CRADD: variants seen among roughly 807,000 people sequenced by gnomAD.
The protein encoded by CRADD is death domain-containing protein CRADD.
In CRADD, 9 loss-of-function variants were observed where a neutral mutation model predicts 15.5. That is an observed-to-expected ratio of 0.58 (90% confidence interval 0.35 to 1.01). The LOEUF is 1.01. Ranked by LOEUF, CRADD falls within the 50% of genes least tolerant of loss-of-function variation. The pLI is 0.02. For missense variants in CRADD, 227 were observed against 250.3 expected (o/e 0.91, Z 0.63); for synonymous variants, 118 against 107.6 (o/e 1.10, Z -0.60).
downstream of CRADD, chr12:93,850,846 G>A: frequency 3.4e-6 from 2 of 587,188 alleles, no homozygotes; most frequent in Non-Finnish European, 4.3e-6. This position sits in a 1 kb window ranked among gnomAD's most constrained non-coding sequence, Gnocchi z 4.0. Context: ...TTTCTTTTTG[G>A]AACAGAATTA....
At position 93,679,057 on chromosome 12, in the gene CRADD, A is replaced by G; in HGVS notation, c.283A>G (p.Thr95Ala). 1 of 1,612,934 alleles carries G rather than the reference A, an allele frequency of 6.2e-7. No individual in the cohort carries two copies. The highest frequency in any genetic ancestry group is 2.2e-5 in the East Asian group (1 of 44,874). Residue 95 changes from threonine to alanine, a missense_variant, in exon 2 of 3, where the codon ACC (threonine) becomes GCC (alanine). Physicochemically the swap from Thr to Ala is moderately conservative, Grantham distance 58 (BLOSUM62 0). Transcript: ENST00000332896. ...KLKKAREEAM[T>A]DLPAGDRLTG... ...GAAGAAGGCAAGGGAAGAGGCCATG[A>G]CCGACCTGCCTGCAGGTAGGCCTCA...
intron 2 of CRADD, among the ~76,000 whole-genome samples, chr12:93,719,411 T>A (rs1956219777): frequency 6.6e-6 from 1 of 152,222 alleles, no homozygotes; most frequent in Admixed American, 6.5e-5. Flanking sequence ...CATAGTTTTC[T>A]TTTCTTGTAA....
intron 2 of CRADD, among the ~76,000 whole-genome samples, chr12:93,732,783 G>A (rs1179970909): frequency 1.3e-5 from 2 of 152,182 alleles, no homozygotes; most frequent in African/African-American, 2.4e-5. Flanking sequence ...TTGTTGAGAG[G>A]ATTAAATGAC....
intron 2 of CRADD, among the ~76,000 whole-genome samples, chr12:93,748,392 G>A (rs1354850238): frequency 5.0e-5 from 7 of 139,152 alleles, no homozygotes; most frequent in Non-Finnish European, 9.5e-5. Flanking sequence ...GGCAACCTCC[G>A]CCTCCTGGGT....
At chr12:93,710,102 G>A (rs1011142133) in intron 2 of CRADD, among the ~76,000 whole-genome samples, 2 of 152,122 alleles carry the variant, frequency 1.3e-5, no homozygotes, top group Non-Finnish European at 2.9e-5. Context: ...GTGGTTTTCT[G>A]TTCCATGTGG....
chr12:93,796,586 G>A (rs1368910680), intron 2 of CRADD, among the ~76,000 whole-genome samples: 1 of 131,542 alleles, frequency 7.6e-6, no homozygotes, highest in African/African-American at 2.9e-5. Context: ...GCAGGGTGAC[G>A]AGCAAAACGG....
At chr12:93,763,941 C>T (rs148079783) in intron 2 of CRADD, among the ~76,000 whole-genome samples, 3 of 152,184 alleles carry the variant, frequency 2.0e-5, no homozygotes, top group Admixed American at 6.5e-5. Flanking sequence ...GAAATAAACC[C>T]GATTTCTTTT....
chr12:93,801,423 C>T (rs1454212170), intron 2 of CRADD, among the ~76,000 whole-genome samples: 1 of 152,066 alleles, frequency 6.6e-6, no homozygotes, highest in Admixed American at 6.6e-5. Context: ...TTTTGAGACG[C>T]AGTCTCACTG....
At chr12:93,771,679 A>G (rs532872371) in intron 2 of CRADD, among the ~76,000 whole-genome samples, 1 of 152,330 alleles carries the variant, frequency 6.6e-6, no homozygotes, top group South Asian at 2.1e-4. Flanking sequence ...TCATAGCAAT[A>G]ATGAACTTAG....
chr12:93,891,808 G>C (rs1357657865), intron 2 of CRADD, among the ~76,000 whole-genome samples: 1 of 152,096 alleles, frequency 6.6e-6, no homozygotes, highest in Admixed American at 6.5e-5. Flanking sequence ...TGGGCTCCTC[G>C]CACTTCTCAC....
rs867695566 is a variant in CRADD, at chr12:93,752,169, C to T, written c.298+73097C>T. Reference sequence around the variant, plus strand: ...CTTCATTCCCGCTGGGACCTCATTCCCCAGTGGAGGGTAAAGCATGGCTTT... The same window carrying T: ...CTTCATTCCCGCTGGGACCTCATTCTCCAGTGGAGGGTAAAGCATGGCTTT... On this transcript the variant is annotated intron_variant, in intron 2 of 2. Transcript: ENST00000332896. 1.3e-4 allele frequency among the ~76,000 whole-genome samples: 20 copies of T among 152,306 alleles called. 1 individual carries two copies. The Middle Eastern group carries it at 0.01, about 78-fold the overall frequency.
intron 2 of CRADD, among the ~76,000 whole-genome samples, chr12:93,810,551 C>CAAAAAAAAAAA (rs56689824): frequency 3.3e-4 from 13 of 39,068 alleles, no homozygotes; most frequent in East Asian, 1.0e-3. Flanking sequence ...AAATCAGTCT[C>CAAAAAAAAAAA]AAAAAAAAAA....
intron 2 of CRADD, among the ~76,000 whole-genome samples, chr12:93,872,444 T>C (rs1958428691): frequency 6.6e-6 from 1 of 152,172 alleles, no homozygotes; most frequent in African/African-American, 2.4e-5. Context: ...TTTGGTTGCC[T>C]TTGCTTGTGG....
intron 2 of CRADD, among the ~76,000 whole-genome samples, chr12:93,791,734 A>G (rs1418321412): frequency 6.6e-6 from 1 of 152,156 alleles, no homozygotes; most frequent in Non-Finnish European, 1.5e-5. Flanking sequence ...TTAGCTAGCT[A>G]ACTAACCATA....
chr12:93,748,073 C>A lies in CRADD; in HGVS notation c.298+69001C>A, dbSNP rs137985800. 2.0e-5 allele frequency among the ~76,000 whole-genome samples: 3 copies of A among 152,178 alleles called. No homozygotes were observed. In the East Asian group the frequency reaches 5.8e-4, roughly 29 times the overall value. On this transcript the variant is annotated intron_variant, in intron 2 of 2. Coordinates refer to ENST00000332896, the MANE Select transcript of CRADD (RefSeq NM_003805.5). ...TACGTTTATATAAATTGGAGCTATG[C>A]ATATATCTTTGAGTGGCATCCCAGA...
intron 2 of CRADD, chr12:93,708,599 C>T (rs1955999817): frequency 6.6e-6 from 1 of 152,282 alleles, no homozygotes; most frequent in East Asian, 1.9e-4. Context: ...GTGCTCTCCA[C>T]CAGCCTTCTC....
At chr12:93,786,184 G>T (rs1957276159) in intron 2 of CRADD, among the ~76,000 whole-genome samples, 1 of 152,074 alleles carries the variant, frequency 6.6e-6, no homozygotes, top group African/African-American at 2.4e-5. Context: ...ACTGTTTTAG[G>T]CCCCCTTTGG....
At chr12:93,836,276 T>A (rs891023977) in intron 2 of CRADD, 6 of 152,242 alleles carry the variant, frequency 3.9e-5, no homozygotes, top group Non-Finnish European at 4.4e-5. Context: ...TTTGGGTGAA[T>A]AATTGATAGA....
intron 2 of CRADD, among the ~76,000 whole-genome samples, chr12:93,847,370 A>C (rs11107218): frequency 0.055 from 8,268 of 150,524 alleles, 268 homozygotes; most frequent in Admixed American, 0.1. Context: ...TACTGTTAAG[A>C]ATATAAAAAG....
Sources: allele counts gnomAD v4.1 joint callset (sites outside exome capture counted in the v4.1 genomes callset), GRCh38; gene constraint gnomAD v4.1.1; non-coding constraint Gnocchi (gnomAD v3.1); transcripts MANE v1.5; gene names NCBI Gene and HGNC (gene_info 2026-07-23, HGNC 2026-07-21).